The following DOCK2 variants were observed in gnomAD, a reference collection of about 807,000 sequenced individuals.
The protein encoded by DOCK2 is dedicator of cytokinesis 2, also known as dedicator of cytokinesis protein 2.
In DOCK2, 87 loss-of-function variants were observed where a neutral mutation model predicts 248.9. The ratio of observed to expected loss-of-function variants is 0.35; its 90% CI spans 0.29 to 0.42. DOCK2 has a LOEUF of 0.42. Among genes scored for constraint, DOCK2 ranks in the 10% least tolerant of loss-of-function variants. The pLI, the probability that DOCK2 is intolerant of heterozygous loss-of-function variation, is 1.00. For missense variants in DOCK2, 1,747 were observed against 2,300.2 expected, an observed-to-expected ratio of 0.76 and a Z score of 4.92; for synonymous variants, 805 against 821.6, an observed-to-expected ratio of 0.98 and a Z score of 0.35.
Position 170,081,953 on chromosome 5 carries a change from G to T in DOCK2, c.5399G>T (p.Arg1800Leu). Residue 1800 changes from arginine (R) to leucine (L), a missense_variant, in exon 51 of 52, where the codon CGG becomes CTG. Around this residue, in one of 4 missense-constraint regions of DOCK2, gnomAD observed 513 missense variants for 586.1 expected, o/e 0.88. Transcript: ENST00000520908. ...LSDGDKKTLT[R>L]KKVNQFFKTM... ...GATGGTGACAAGAAGACACTCACAC[G>T]GAAGAAGGTCAATCAGTTCTTCAAG... is the stretch of plus-strand genomic sequence containing the variant. The T allele has an allele frequency of 6.2e-7, 1 of 1,614,102 alleles. No individual in the cohort carries two copies. The highest frequency in any genetic ancestry group is 8.5e-7 in the Non-Finnish European group (1 of 1,180,018).
intron 27 of DOCK2, among the ~76,000 whole-genome samples, chr5:169,964,486 C>T (rs1777220477): frequency 6.6e-6 from 1 of 152,224 alleles, no homozygotes; most frequent in Non-Finnish European, 1.5e-5. Flanking sequence ...AGACAGGTGG[C>T]TCATGGGAGC....
intron 6 of DOCK2, 145 bp downstream of exon 6, chr5:169,674,590 C>G: frequency 7.8e-7 from 1 of 1,278,540 alleles, no homozygotes. Context: ...GCTGTGCTTG[C>G]GTGCCGTTGT....
At chr5:169,939,179 C>T (rs1226290612) in intron 27 of DOCK2, among the ~76,000 whole-genome samples, 3 of 151,536 alleles carry the variant, frequency 2.0e-5, no homozygotes, top group Non-Finnish European at 4.4e-5. Flanking sequence ...GCTGGGATTA[C>T]AGGCGTGAGC....
chr5:169,978,394 G>GTGTGTGT (rs1561863716), intron 27 of DOCK2, among the ~76,000 whole-genome samples: 4 of 99,350 alleles, frequency 4.0e-5, no homozygotes, highest in African/African-American at 2.2e-4. Flanking sequence ...TGTGTGTGTG[G>GTGTGTGT]GGGGGGGGGG....
At chr5:170,056,326 C>T (rs1757130201) in intron 42 of DOCK2, 1 of 183,028 alleles carries the variant, frequency 5.5e-6, no homozygotes, top group Non-Finnish European at 1.1e-5. Flanking sequence ...CTAAAGAAAT[C>T]CTTTGAGGAC....
intron 25 of DOCK2, among the ~76,000 whole-genome samples, chr5:169,781,902 T>C (rs1765733754): frequency 6.6e-6 from 1 of 152,218 alleles, no homozygotes; most frequent in African/African-American, 2.4e-5. Context: ...GGCTCATCCC[T>C]GCCGATGTCC....
intron 24 of DOCK2, among the ~76,000 whole-genome samples, chr5:169,760,708 G>T (rs969543153): frequency 6.6e-6 from 1 of 152,002 alleles, no homozygotes; most frequent in Non-Finnish European, 1.5e-5. Context: ...TGCATACATC[G>T]CTGTGTATTG....
intron 22 of DOCK2, among the ~76,000 whole-genome samples, chr5:169,726,833 G>A (rs1241539347): frequency 1.3e-5 from 2 of 152,158 alleles, no homozygotes; most frequent in African/African-American, 4.8e-5. Context: ...GTTCTTGTGG[G>A]AGCAGACAGA....
intron 51 of DOCK2, 141 bp from the exon 52 acceptor site, chr5:170,082,655 C>G (rs760025275): frequency 9.1e-7 from 1 of 1,096,474 alleles, no homozygotes; most frequent in Non-Finnish European, 1.3e-6. Flanking sequence ...TGGCCAAAGC[C>G]AAGGGCATAG....
chr5:169,944,357 T>A (rs1476368951), intron 27 of DOCK2, among the ~76,000 whole-genome samples: 1 of 152,238 alleles, frequency 6.6e-6, no homozygotes, highest in African/African-American at 2.4e-5. Flanking sequence ...GGCAGAGGCA[T>A]GTTCTACCAA....
intron 5 of DOCK2, among the ~76,000 whole-genome samples, chr5:169,673,161 C>A (rs1173287721): frequency 6.6e-6 from 1 of 152,000 alleles, no homozygotes; most frequent in Non-Finnish European, 1.5e-5. Context: ...TAAGTTCCAA[C>A]CCTCTAATCA....
chr5:169,729,315 C>T (rs1385981112), intron 22 of DOCK2, among the ~76,000 whole-genome samples: 1 of 152,094 alleles, frequency 6.6e-6, no homozygotes, highest in African/African-American at 2.4e-5. Context: ...AGGCATCACC[C>T]CGAAGGAGAA....
chr5:170,033,058 C>CAA (rs1756200472), intron 34 of DOCK2, among the ~76,000 whole-genome samples: 1 of 152,168 alleles, frequency 6.6e-6, no homozygotes, highest in Non-Finnish European at 1.5e-5. Flanking sequence ...TCTCAGCCTT[C>CAA]ATTTTCTCAC....
At chr5:170,038,938 C>T (rs191950030) in intron 36 of DOCK2, among the ~76,000 whole-genome samples, 1 of 152,324 alleles carries the variant, frequency 6.6e-6, no homozygotes, top group East Asian at 1.9e-4. Flanking sequence ...GCCATGTGTG[C>T]ACACACAGGT....
chr5:169,776,560 A>G (rs940944907), intron 25 of DOCK2, among the ~76,000 whole-genome samples: 3 of 152,170 alleles, frequency 2.0e-5, no homozygotes, highest in African/African-American at 7.2e-5. Flanking sequence ...TCTATTTTTA[A>G]GGGCTTCACA....
chr5:169,738,102 C>A (rs1190228415), intron 22 of DOCK2, among the ~76,000 whole-genome samples: 1 of 152,180 alleles, frequency 6.6e-6, no homozygotes, highest in East Asian at 1.9e-4. Flanking sequence ...CTGCAGAATT[C>A]ATTGCTTGCT....
chr5:169,680,841 TTTCA>T (rs1375721435), intron 6 of DOCK2, among the ~76,000 whole-genome samples: 1 of 152,206 alleles, frequency 6.6e-6, no homozygotes, highest in Non-Finnish European at 1.5e-5. Flanking sequence ...TTGGTCCTTT[TTTCA>T]TTCAGAGCTT....
At chr5:169,689,354 C>T (rs368659800) in intron 9 of DOCK2, 21 bp downstream of exon 9, 68 of 1,612,736 alleles carry the variant, frequency 4.2e-5, no homozygotes, top group Non-Finnish European at 5.1e-5. Flanking sequence ...ACCCTCTTCT[C>T]GTTACCGTGC....
intron 36 of DOCK2, among the ~76,000 whole-genome samples, chr5:170,040,344 C>A (rs562460305): frequency 6.6e-6 from 1 of 152,306 alleles, no homozygotes; most frequent in East Asian, 1.9e-4. Context: ...AGTTATATTG[C>A]CATCTCATGG....
Sources: allele counts gnomAD v4.1 joint callset (sites outside exome capture counted in the v4.1 genomes callset), GRCh38; gene constraint gnomAD v4.1.1; regional missense constraint gnomAD v4.1.1; transcripts MANE v1.5; gene names NCBI Gene and HGNC (gene_info 2026-07-23, HGNC 2026-07-21).